Variants in ELAVL2 observed in about 807,000 individuals in gnomAD.
The protein encoded by ELAVL2 is ELAV-like protein 2.
In ELAVL2, 4 loss-of-function variants were observed where a neutral mutation model predicts 34.6. The observed-to-expected ratio is 0.12, with a 90% CI of 0.06 to 0.26. The LOEUF (loss-of-function observed/expected upper bound fraction) is 0.26, where lower values mean the gene tolerates loss of function less well. ELAVL2 is among the 10% of genes least tolerant of loss of function. The probability of loss-of-function intolerance (pLI) is 1.00; values close to 1 mark genes in which losing one functional copy is unlikely to be tolerated. For missense variants in ELAVL2, 432 were observed against 442.8 expected (o/e 0.98, Z 0.22); for synonymous variants, 193 against 154.8 (o/e 1.25, Z -1.83).
At chr9:23,749,886 T>G (rs1460695663) in intron 2 of ELAVL2, among the ~76,000 whole-genome samples, 1 of 152,038 alleles carries the variant, frequency 6.6e-6, no homozygotes, top group Non-Finnish European at 1.5e-5. Context: ...ACGCTCACCC[T>G]TCCTCCTTTG....
At chr9:23,809,269 C>A (rs1010137199) in intron 1 of ELAVL2, among the ~76,000 whole-genome samples, 6 of 152,148 alleles carry the variant, frequency 3.9e-5, no homozygotes, top group Admixed American at 1.3e-4. Flanking sequence ...TTCCATAGCA[C>A]AAGGACAATA....
At chr9:23,837,639 A>C in the ELAVL2 span, among the ~76,000 whole-genome samples, 1 of 152,196 alleles carries the variant, frequency 6.6e-6, no homozygotes, top group Non-Finnish European at 1.5e-5. Context: ...CCAAGTCCTT[A>C]GCCACTATTT....
intron 2 of ELAVL2, among the ~76,000 whole-genome samples, chr9:23,760,051 T>C (rs13288462): frequency 0.033 from 4,934 of 151,688 alleles, 90 homozygotes; most frequent in East Asian, 0.074. Context: ...TGTGCTTCTA[T>C]TACCACCGTC....
At chr9:23,804,510 A>T (rs2061973984) in intron 1 of ELAVL2, among the ~76,000 whole-genome samples, 1 of 152,206 alleles carries the variant, frequency 6.6e-6, no homozygotes, top group Non-Finnish European at 1.5e-5. Context: ...ATATACCCTG[A>T]TTAATTTAAC....
chr9:23,756,192 C>G (rs1175044920), intron 2 of ELAVL2, among the ~76,000 whole-genome samples: 1 of 152,056 alleles, frequency 6.6e-6, no homozygotes, highest in African/African-American at 2.4e-5. Context: ...AGCAGAGACA[C>G]AAGATAAACC....
intron 2 of ELAVL2, among the ~76,000 whole-genome samples, chr9:23,732,077 A>C (rs75490218): frequency 2.0e-5 from 3 of 152,242 alleles, no homozygotes; most frequent in South Asian, 4.1e-4. Context: ...CAAAAATGGC[A>C]TAAGAAAAGT....
chr9:23,783,651 G>A (rs933408555), intron 1 of ELAVL2, among the ~76,000 whole-genome samples: 5 of 152,302 alleles, frequency 3.3e-5, no homozygotes, highest in Non-Finnish European at 7.4e-5. Flanking sequence ...TATGTGCAGG[G>A]CACTGTGCTG....
chr9:23,848,453 T>C, the ELAVL2 span, among the ~76,000 whole-genome samples: 1 of 152,218 alleles, frequency 6.6e-6, no homozygotes, highest in Non-Finnish European at 1.5e-5. Context: ...AAAACTGTTT[T>C]AAGGATGGTT....
the ELAVL2 span, among the ~76,000 whole-genome samples, chr9:23,840,572 T>C: frequency 1.3e-5 from 2 of 152,156 alleles, no homozygotes; most frequent in Admixed American, 6.6e-5. Context: ...TTATACTTTG[T>C]GTTATACTGA....
chr9:23,746,873 C>A lies in ELAVL2; in HGVS notation c.229+15133G>T, dbSNP rs565755561. Among the ~76,000 whole-genome samples the A allele has an allele frequency of 1.6e-4, 24 of 150,984 alleles. 1 individual carries two copies. In the South Asian group the frequency reaches 2.5e-3, roughly 16 times the overall value. ...TTCTGTTCAAATAAATGACTGCATC[C>A]AATATTAATCATCAAATGAAATAAT... On this transcript the variant is annotated intron_variant, in intron 2 of 6. Transcript: ENST00000397312.
chr9:23,776,212 AAC>A (rs1310587139), intron 1 of ELAVL2, among the ~76,000 whole-genome samples: 1 of 152,176 alleles, frequency 6.6e-6, no homozygotes, highest in Non-Finnish European at 1.5e-5. Context: ...TCCTACCACT[AAC>A]ACACACATCT....
chr9:23,707,911 C>A (rs1327094465), intron 3 of ELAVL2, among the ~76,000 whole-genome samples: 1 of 152,138 alleles, frequency 6.6e-6, no homozygotes, highest in Non-Finnish European at 1.5e-5. Flanking sequence ...CATGCAGTGA[C>A]ATTCACTGCT....
At chr9:23,710,665 T>A (rs1410847) in intron 3 of ELAVL2, among the ~76,000 whole-genome samples, 146,011 of 152,290 alleles carry the variant, frequency 0.96, 70,052 homozygotes, top group African/African-American at 0.99. Context: ...AAAAAGCTCC[T>A]TTCAATCTCT....
the ELAVL2 span, among the ~76,000 whole-genome samples, chr9:23,844,118 C>G: frequency 6.6e-6 from 1 of 152,040 alleles, no homozygotes; most frequent in Non-Finnish European, 1.5e-5. Flanking sequence ...AGAAGCCTTC[C>G]TGAATACCAC....
intron 2 of ELAVL2, among the ~76,000 whole-genome samples, chr9:23,755,475 G>C (rs568761724): frequency 6.6e-6 from 1 of 152,068 alleles, no homozygotes; most frequent in African/African-American, 2.4e-5. Flanking sequence ...CAAGACCTTT[G>C]GCAAAGAAAC....
chr9:23,731,087 G>C lies in ELAVL2; in HGVS notation c.268C>G (p.Pro90Ala). The C allele has an allele frequency of 6.2e-7, 1 of 1,612,970 alleles. No homozygotes were observed. The highest frequency in any genetic ancestry group is 8.5e-7 in the Non-Finnish European group (1 of 1,179,374). Residue 90 changes from proline (P) to alanine (A), a missense_variant, in exon 3 of 7, where the codon CCC becomes GCC. Around this residue, in one of 3 missense-constraint regions of ELAVL2, gnomAD observed 132 missense variants for 118.3 expected, o/e 1.12. Coordinates refer to ENST00000397312, the MANE Select transcript of ELAVL2 (RefSeq NM_004432.5). ...LGYGFVNYID[P>A]KDAEKAINTL... Reference sequence around the variant, plus strand: ...TTGATAGCTTTCTCTGCATCCTTGGGGTCAATGTAGTTCACAAAGCCATAT... The same window carrying C: ...TTGATAGCTTTCTCTGCATCCTTGGCGTCAATGTAGTTCACAAAGCCATAT...
intron 2 of ELAVL2, among the ~76,000 whole-genome samples, chr9:23,754,697 C>T (rs1044021687): frequency 2.0e-5 from 3 of 152,048 alleles, no homozygotes; most frequent in African/African-American, 7.2e-5. Flanking sequence ...TCCTGACCTC[C>T]GGTGATTCGC....
intron 3 of ELAVL2, among the ~76,000 whole-genome samples, chr9:23,727,887 C>G (rs1442839147): frequency 6.6e-6 from 1 of 152,064 alleles, no homozygotes; most frequent in African/African-American, 2.4e-5. Context: ...CCACCTTTCA[C>G]AGCACTTGAT....
intron 1 of ELAVL2, among the ~76,000 whole-genome samples, chr9:23,793,436 T>C (rs2060549402): frequency 6.6e-6 from 1 of 152,202 alleles, no homozygotes. Flanking sequence ...CTAGAGACCA[T>C]GAGACACACA....
Sources: allele counts gnomAD v4.1 joint callset (sites outside exome capture counted in the v4.1 genomes callset), GRCh38; gene constraint gnomAD v4.1.1; regional missense constraint gnomAD v4.1.1; transcripts MANE v1.5; gene names NCBI Gene and HGNC (gene_info 2026-07-23, HGNC 2026-07-21).